The following KIAA0825 variants were observed in gnomAD, a reference collection of about 807,000 sequenced individuals.
KIAA0825 encodes KIAA0825.
Under a neutral mutation model 147.6 loss-of-function variants are expected in KIAA0825, and 119 were observed. The observed-to-expected ratio is 0.81, with a 90% CI of 0.69 to 0.94. The LOEUF (loss-of-function observed/expected upper bound fraction) is 0.94, where lower values mean the gene tolerates loss of function less well. Among genes scored for constraint, KIAA0825 ranks in the 40% least tolerant of loss-of-function variants. The pLI, the probability that KIAA0825 is intolerant of heterozygous loss-of-function variation, is 0.00. For missense variants in KIAA0825, 1,381 were observed against 1,472.7 expected, an observed-to-expected ratio of 0.94 and a Z score of 1.02; for synonymous variants, 470 against 518.1, an observed-to-expected ratio of 0.91 and a Z score of 1.26.
At chr5:94,514,228 T>A (rs978325501) in intron 5 of KIAA0825, among the ~76,000 whole-genome samples, 1 of 152,154 alleles carries the variant, frequency 6.6e-6, no homozygotes, top group Admixed American at 6.5e-5. Context: ...TGTAACCAGG[T>A]TACTTGCATC....
intron 14 of KIAA0825, 134 bp downstream of exon 14, chr5:94,439,848 G>A (rs1756852315): frequency 6.6e-6 from 6 of 912,446 alleles, no homozygotes. Context: ...TTTGACTGCT[G>A]CTAACCCAGC....
chr5:94,607,099 C>T (rs1787627117), intron 1 of KIAA0825, among the ~76,000 whole-genome samples: 1 of 152,090 alleles, frequency 6.6e-6, no homozygotes, highest in Non-Finnish European at 1.5e-5. Context: ...CTTCTTAAAA[C>T]AAGACTATAC....
chr5:94,219,410 G>C (rs1473918699), intron 20 of KIAA0825, among the ~76,000 whole-genome samples: 1 of 152,080 alleles, frequency 6.6e-6, no homozygotes, highest in Non-Finnish European at 1.5e-5. Context: ...AGAGCCCATG[G>C]ACCAGTACCA....
intron 20 of KIAA0825, among the ~76,000 whole-genome samples, chr5:94,348,072 T>A (rs1783217705): frequency 2.0e-5 from 3 of 152,034 alleles, no homozygotes. Flanking sequence ...GGTCTTGAAA[T>A]TAACCCAATC....
chr5:94,279,692 C>T (rs1434522171), intron 20 of KIAA0825, among the ~76,000 whole-genome samples: 1 of 151,994 alleles, frequency 6.6e-6, no homozygotes, highest in Non-Finnish European at 1.5e-5. Flanking sequence ...CTACTGAATG[C>T]CTATTCTTTG....
chr5:94,364,394 T>A (rs1436813763), intron 20 of KIAA0825, among the ~76,000 whole-genome samples: 1 of 151,918 alleles, frequency 6.6e-6, no homozygotes, highest in Non-Finnish European at 1.5e-5. Context: ...CTTTTCTTTT[T>A]TTTTTGAGAT....
intron 1 of KIAA0825, among the ~76,000 whole-genome samples, chr5:94,599,688 G>A (rs1786001459): frequency 6.6e-6 from 1 of 152,112 alleles, no homozygotes; most frequent in South Asian, 2.1e-4. Flanking sequence ...AAACTGCTGT[G>A]TTTCAAAGAT....
chr5:94,563,221 G>A (rs886396366), intron 2 of KIAA0825, among the ~76,000 whole-genome samples: 1 of 151,906 alleles, frequency 6.6e-6, no homozygotes, highest in African/African-American at 2.4e-5. Flanking sequence ...AGCTGGGCGT[G>A]GTGGTGGGCG....
chr5:94,396,049 G>T, intron 17 of KIAA0825, 52 bp downstream of exon 17: 1 of 1,373,868 alleles, frequency 7.3e-7, no homozygotes, highest in Admixed American at 3.5e-5. Context: ...TGGTGATTTT[G>T]TTATTGTGAA....
intron 5 of KIAA0825, among the ~76,000 whole-genome samples, chr5:94,505,659 A>G (rs1765659439): frequency 6.6e-6 from 1 of 152,216 alleles, no homozygotes; most frequent in Non-Finnish European, 1.5e-5. Flanking sequence ...TCTTAAATAA[A>G]AAACAAGGAA....
At chr5:94,502,986 G>A (rs557484735) in intron 5 of KIAA0825, among the ~76,000 whole-genome samples, 16 of 151,240 alleles carry the variant, frequency 1.1e-4, no homozygotes, top group African/African-American at 3.2e-4. Context: ...GTGGGCGCCC[G>A]TAATCCCAGT....
At chr5:94,248,902 A>G (rs1583959669) in intron 20 of KIAA0825, among the ~76,000 whole-genome samples, 1 of 152,100 alleles carries the variant, frequency 6.6e-6, no homozygotes, top group African/African-American at 2.4e-5. Context: ...TGAAATTGCC[A>G]TTTTCTAGGT....
intron 20 of KIAA0825, among the ~76,000 whole-genome samples, chr5:94,267,500 T>A (rs922867068): frequency 1.3e-5 from 2 of 152,138 alleles, no homozygotes; most frequent in African/African-American, 4.8e-5. Flanking sequence ...ACCGTGTGTA[T>A]CACTGAGCCA....
chr5:94,562,748 A>G (rs1444326585), intron 2 of KIAA0825, among the ~76,000 whole-genome samples: 1 of 152,236 alleles, frequency 6.6e-6, no homozygotes, highest in Non-Finnish European at 1.5e-5. Context: ...CAGGATTATC[A>G]GACCAATGAC....
At chr5:94,195,586 GT>G (rs199575229) in intron 20 of KIAA0825, among the ~76,000 whole-genome samples, 13 of 146,702 alleles carry the variant, frequency 8.9e-5, no homozygotes, top group Admixed American at 2.7e-4. Context: ...TTGTAACAAC[GT>G]TTTTTTTTTC....
intron 2 of KIAA0825, among the ~76,000 whole-genome samples, chr5:94,553,782 A>C (rs888569404): frequency 6.6e-6 from 1 of 152,128 alleles, no homozygotes; most frequent in South Asian, 2.1e-4. Flanking sequence ...AACCAAAAAA[A>C]AAAAACAAAA....
At chr5:94,515,176 C>G (rs1018477172) in intron 5 of KIAA0825, among the ~76,000 whole-genome samples, 2 of 151,900 alleles carry the variant, frequency 1.3e-5, no homozygotes, top group Admixed American at 1.3e-4. Context: ...CTTTTTTGAA[C>G]ACTGAGAAAT....
At chr5:94,275,106 G>A (rs1037660578) in intron 20 of KIAA0825, among the ~76,000 whole-genome samples, 7 of 152,142 alleles carry the variant, frequency 4.6e-5, no homozygotes, top group Non-Finnish European at 1.0e-4. Context: ...TGACAATACA[G>A]TATATTCAAT....
chr5:94,403,814 T>C (rs1309895766), intron 15 of KIAA0825, 21 bp from the exon 16 acceptor site: 3 of 1,542,934 alleles, frequency 1.9e-6, no homozygotes, highest in Non-Finnish European at 2.6e-6. Flanking sequence ...AGATGGCATA[T>C]TATGGTTAGC....
Sources: gnomAD v4.1 joint callset for allele counts (sites outside exome capture counted in the v4.1 genomes callset) on GRCh38, gnomAD v4.1.1 for gene constraint, MANE v1.5 for transcripts, NCBI Gene and HGNC (gene_info 2026-07-23, HGNC 2026-07-21) for gene names.